The following MAD1L1 variants were observed in gnomAD, a reference collection of about 807,000 sequenced individuals.
MAD1L1 encodes mitotic spindle assembly checkpoint protein MAD1.
In MAD1L1, 95 loss-of-function variants were observed where a neutral mutation model predicts 96.9. That is an observed-to-expected ratio of 0.98 (90% CI 0.83 to 1.16). The LOEUF (loss-of-function observed/expected upper bound fraction) is 1.16. Among genes scored for constraint, MAD1L1 ranks in the 50% most tolerant of loss-of-function variants. The probability of loss-of-function intolerance (pLI) is 0.00; values close to 1 mark genes in which losing one functional copy is unlikely to be tolerated. For synonymous variants in MAD1L1, 473 were observed against 396.6 expected (o/e 1.19, Z -2.29); for missense variants, 1,007 against 954.4 (o/e 1.06, Z -0.73).
At chr7:1,963,957 A>G (rs1355323665) in intron 15 of MAD1L1, among the ~76,000 whole-genome samples, 1 of 152,138 alleles carries the variant, frequency 6.6e-6, no homozygotes, top group Non-Finnish European at 1.5e-5. Context: ...AGGTTTTGGG[A>G]GCCCCGCAAG....
At position 2,081,809 on chromosome 7, in the gene MAD1L1, G is replaced by A. The variant is rs537836801; in HGVS notation, c.1074-12471C>T. ...GAAGGCCGCCTGGCCTAGCTGGTGG[G>A]AAAGCGGGAGACACACCTGCCGTCA... On this transcript the variant is annotated intron_variant, in intron 11 of 18. Transcript: ENST00000265854. Among the ~76,000 whole-genome samples the A allele has an allele frequency of 3.7e-3, 568 of 152,360 alleles. 2 individuals are homozygous for A. Among genetic ancestry groups the A allele is most frequent in the Admixed American group, 7.1e-3 (109 of 15,312 alleles).
At chr7:1,938,930 T>C (rs866885692) in intron 16 of MAD1L1, among the ~76,000 whole-genome samples, 2,324 of 46,004 alleles carry the variant, frequency 0.051, 98 homozygotes, top group Admixed American at 0.12. Context: ...CACACACACA[T>C]ACAGGCCAGG....
intron 17 of MAD1L1, among the ~76,000 whole-genome samples, chr7:1,906,161 G>A (rs887574131): frequency 2.0e-5 from 3 of 152,034 alleles, no homozygotes; most frequent in African/African-American, 2.4e-5. Context: ...TGAGGCAGCT[G>A]GCCCACGTGG....
intron 18 of MAD1L1, among the ~76,000 whole-genome samples, chr7:1,843,935 C>T (rs186784864): frequency 8.5e-4 from 129 of 152,306 alleles, no homozygotes; most frequent in African/African-American, 2.9e-3. Flanking sequence ...TGGCTAGGGG[C>T]GGGGAGGGGA....
chr7:2,005,841 T>G (rs1398547762), intron 13 of MAD1L1, among the ~76,000 whole-genome samples: 3 of 151,732 alleles, frequency 2.0e-5, no homozygotes, highest in Admixed American at 6.6e-5. Context: ...ACAAAAAAAG[T>G]TCGTTTGTAA....
chr7:1,884,401 A>ACTCCTGCAGC (rs1389351657), intron 18 of MAD1L1, among the ~76,000 whole-genome samples: 1 of 151,590 alleles, frequency 6.6e-6, no homozygotes, highest in Non-Finnish European at 1.5e-5. Context: ...TGAGCCCTGG[A>ACTCCTGCAGC]CTCCTGCAGC....
intron 15 of MAD1L1, among the ~76,000 whole-genome samples, chr7:1,973,788 A>G (rs1349101559): frequency 1.3e-5 from 2 of 152,110 alleles, no homozygotes; most frequent in Non-Finnish European, 2.9e-5. Context: ...GGTGAGGTGT[A>G]GGCTCCGATC....
At chr7:1,889,036 C>T (rs1786370719) in intron 18 of MAD1L1, among the ~76,000 whole-genome samples, 1 of 152,208 alleles carries the variant, frequency 6.6e-6, no homozygotes, top group South Asian at 2.1e-4. Context: ...CGCAATGTGG[C>T]AGGCATACGG....
chr7:1,969,429 A>C (rs1391710645), intron 15 of MAD1L1, among the ~76,000 whole-genome samples: 1 of 152,216 alleles, frequency 6.6e-6, no homozygotes, highest in Non-Finnish European at 1.5e-5. Flanking sequence ...AGCTTATGTC[A>C]ATCTCAATGG....
intron 11 of MAD1L1, among the ~76,000 whole-genome samples, chr7:2,096,061 G>A (rs1012499901): frequency 2.0e-5 from 3 of 152,216 alleles, no homozygotes; most frequent in East Asian, 3.9e-4. Flanking sequence ...ATGACAGCTC[G>A]CAGCCCACAA....
chr7:1,984,743 A>G (rs1419068419), intron 14 of MAD1L1, among the ~76,000 whole-genome samples: 2 of 152,260 alleles, frequency 1.3e-5, no homozygotes, highest in Middle Eastern at 3.2e-3. Flanking sequence ...TTGCAATCCA[A>G]TCAGGAAGTC....
At chr7:2,113,529 A>T (rs1193021848) in intron 11 of MAD1L1, among the ~76,000 whole-genome samples, 1 of 152,190 alleles carries the variant, frequency 6.6e-6, no homozygotes, top group African/African-American at 2.4e-5. Flanking sequence ...GCAGTGAGCC[A>T]AGATTACACC....
intron 11 of MAD1L1, among the ~76,000 whole-genome samples, chr7:2,100,211 G>A (rs1786708096): frequency 1.3e-5 from 2 of 152,160 alleles, no homozygotes; most frequent in Admixed American, 1.3e-4. Context: ...AGACCAGCAG[G>A]GAAAATGAGG....
At chr7:1,997,702 A>T (rs1781618471) in intron 14 of MAD1L1, among the ~76,000 whole-genome samples, 1 of 152,258 alleles carries the variant, frequency 6.6e-6, no homozygotes, top group Admixed American at 6.5e-5. Context: ...TGCACAGCCC[A>T]GTGCGGTGGC....
chr7:2,202,712 C>G (rs1792378018), intron 10 of MAD1L1, among the ~76,000 whole-genome samples: 1 of 152,220 alleles, frequency 6.6e-6, no homozygotes, highest in Non-Finnish European at 1.5e-5. Context: ...CAAGCACCAC[C>G]AGGGCGTCTG....
chr7:2,098,225 G>A (rs138989314), intron 11 of MAD1L1, among the ~76,000 whole-genome samples: 107 of 152,298 alleles, frequency 7.0e-4, no homozygotes, highest in African/African-American at 2.2e-3. Flanking sequence ...ACTGCACAGC[G>A]CCGTCCTCTG....
chr7:2,040,707 C>T (rs530791398), intron 12 of MAD1L1, among the ~76,000 whole-genome samples: 10 of 152,204 alleles, frequency 6.6e-5, no homozygotes, highest in Non-Finnish European at 1.5e-4. Flanking sequence ...GACGAGGAAA[C>T]CTGGGCAGCT....
At chr7:1,950,986 GGGA>G (rs1414562492) in intron 16 of MAD1L1, among the ~76,000 whole-genome samples, 2 of 152,262 alleles carry the variant, frequency 1.3e-5, no homozygotes, top group Non-Finnish European at 2.9e-5. Context: ...CATGCTTCCT[GGGA>G]GGAGGAGGCG....
Position 2,080,005 on chromosome 7 carries a change from C to T in MAD1L1, c.1074-10667G>A, listed in dbSNP as rs1785558872. 8 of 306,868 alleles carry T rather than the reference C, an allele frequency of 2.6e-5. No individual in the cohort carries two copies. The Middle Eastern group carries it at 3.5e-3, about 135-fold the overall frequency. The allele number at this position is 306,868 out of a possible 1,614,324, so 19.0% of individuals were successfully genotyped here. On this transcript the variant is annotated intron_variant, in intron 11 of 18. Coordinates refer to ENST00000265854, the MANE Select transcript of MAD1L1 (RefSeq NM_001013836.2). ...CGAGGTCAGAGAGAAGGAGACCATCCGTGCGTCCGTCAACCCTGTCAGCGC... is the reference window on the plus strand; with the variant it reads ...CGAGGTCAGAGAGAAGGAGACCATCTGTGCGTCCGTCAACCCTGTCAGCGC...
Sources: gnomAD v4.1 joint callset for allele counts (sites outside exome capture counted in the v4.1 genomes callset) on GRCh38, gnomAD v4.1.1 for gene constraint, MANE v1.5 for transcripts, NCBI Gene and HGNC (gene_info 2026-07-23, HGNC 2026-07-21) for gene names.